Variants in OSBPL8 observed in about 807,000 individuals in gnomAD.
OSBPL8 encodes the protein oxysterol-binding protein-related protein 8.
OSBPL8 carries 59 observed loss-of-function variants against 125.5 expected under a neutral mutation model. That is an observed-to-expected ratio of 0.47 (90% confidence interval 0.38 to 0.58). The LOEUF (loss-of-function observed/expected upper bound fraction) is 0.58. OSBPL8 is among the 20% of genes least tolerant of loss of function. The pLI, the probability that OSBPL8 is intolerant of heterozygous loss-of-function variation, is 0.00. For synonymous variants in OSBPL8, 330 were observed against 338.9 expected (o/e 0.97, Z 0.29); for missense variants, 758 against 1,047.8 (o/e 0.72, Z 3.82).
rs533714040 is a variant in OSBPL8, at chr12:76,437,231, G to A, written c.217+13620C>T. ...AATGTCAAACTATTTTTCAAAAATG[G>A]TTCTACCAATTATGCTTCCATCCGT... On this transcript the variant is annotated intron_variant, in intron 4 of 23. Coordinates refer to ENST00000261183, the MANE Select transcript of OSBPL8 (RefSeq NM_020841.5). Among the ~76,000 whole-genome samples, 3 of 152,226 alleles carry A rather than the reference G, an allele frequency of 2.0e-5. No individual in the cohort carries two copies. The South Asian group carries it at 6.2e-4, about 32-fold the overall frequency.
intron 1 of OSBPL8, among the ~76,000 whole-genome samples, chr12:76,536,302 C>T (rs1950495859): frequency 6.6e-6 from 1 of 151,724 alleles, no homozygotes; most frequent in South Asian, 2.1e-4. Context: ...GCCTGGCCAA[C>T]ATGGTGAAAC....
At position 76,473,622 on chromosome 12, in the gene OSBPL8, T is replaced by C. The variant is rs185349528; in HGVS notation, c.43-13727A>G. On this transcript the variant is annotated intron_variant, in intron 2 of 23. Transcript: ENST00000261183. Reference sequence around the variant, plus strand: ...CAGATAACTCTAACATTCAACTGGTTGCCCCCAATACTCCACAATTTTGCC... The same window carrying C: ...CAGATAACTCTAACATTCAACTGGTCGCCCCCAATACTCCACAATTTTGCC... Among the ~76,000 whole-genome samples the C allele has an allele frequency of 4.6e-5, 7 of 152,328 alleles. No homozygotes were observed. In the South Asian group the frequency reaches 1.2e-3, roughly 27 times the overall value.
chr12:76,424,039 C>T (rs1209435853), intron 4 of OSBPL8, among the ~76,000 whole-genome samples: 3 of 151,934 alleles, frequency 2.0e-5, no homozygotes, highest in Non-Finnish European at 4.4e-5. Context: ...GTCTCACTGT[C>T]GCCCAGGCTA....
intron 4 of OSBPL8, among the ~76,000 whole-genome samples, chr12:76,443,964 A>G (rs1281720729): frequency 1.3e-5 from 2 of 152,230 alleles, no homozygotes; most frequent in Non-Finnish European, 2.9e-5. Context: ...CACAATCTGG[A>G]AAATACATAA....
intron 1 of OSBPL8, among the ~76,000 whole-genome samples, chr12:76,531,991 C>A (rs1022895589): frequency 7.0e-6 from 1 of 143,084 alleles, no homozygotes; most frequent in South Asian, 2.3e-4. Flanking sequence ...GAGCCGAGAT[C>A]GCGCCACTGC....
At chr12:76,524,313 T>C (rs889044875) in intron 1 of OSBPL8, among the ~76,000 whole-genome samples, 6 of 152,166 alleles carry the variant, frequency 3.9e-5, no homozygotes, top group Admixed American at 6.5e-5. Flanking sequence ...TCTTAGAAGA[T>C]TATAAGTTAT....
At position 76,464,358 on chromosome 12, in the gene OSBPL8, T is replaced by C. The variant is rs1001904783; in HGVS notation, c.43-4463A>G. Among the ~76,000 whole-genome samples the C allele has an allele frequency of 2.0e-5, 3 of 152,220 alleles. No individual in the cohort carries two copies. In the East Asian group the frequency reaches 5.8e-4, roughly 29 times the overall value. ...GTTTACCATTGTCCCACAGACAATG[T>C]CCACACAGTTATCTAATTTTGTTAT... On this transcript the variant is annotated intron_variant, in intron 2 of 23. Coordinates refer to ENST00000261183, the MANE Select transcript of OSBPL8 (RefSeq NM_020841.5).
intron 1 of OSBPL8, among the ~76,000 whole-genome samples, chr12:76,491,146 AG>A (rs1878670699): frequency 6.6e-6 from 1 of 152,196 alleles, no homozygotes; most frequent in African/African-American, 2.4e-5. Context: ...CACCCCTGTC[AG>A]GAGTTCCATG....
chr12:76,367,229 G>GGGGT lies in OSBPL8; in HGVS notation c.2328+1984_2328+1985insACCC, dbSNP rs149505291. On this transcript the variant is annotated intron_variant, in intron 21 of 23. Transcript: ENST00000261183. ...TGTATATTTTGGGGCTTTGTTGATT[G>GGGGT]GTGTGTGTGTGTGTGTGTGTGTGTG... Among the ~76,000 whole-genome samples the GGGGT allele has an allele frequency of 3.1e-3, 463 of 147,278 alleles. 4 individuals are homozygous for GGGGT. The highest frequency in any genetic ancestry group is 0.011 in the African/African-American group (439 of 39,988).
chr12:76,369,706 T>C lies in OSBPL8; in HGVS notation c.2171A>G (p.Asn724Ser), dbSNP rs1952548614. 6.2e-7 allele frequency: 1 copy of C among 1,613,728 alleles called. No homozygotes were observed. The highest frequency in any genetic ancestry group is 8.5e-7 in the Non-Finnish European group (1 of 1,179,762). The change falls in exon 20 of 24, where the codon AAT (asparagine) becomes AGT (serine). Residue 724 changes from asparagine (N) to serine (S), a missense_variant. Transcript: ENST00000261183. ...RQAARDRKTK[N>S]EEWSCKLFEL... ...AAATAATTTGCAAGACCACTCTTCA[T>C]TTTTTGTTTTCCGATCCCTGGCAGC...
intron 12 of OSBPL8, 135 bp downstream of exon 12, chr12:76,389,510 A>T: frequency 1.5e-6 from 1 of 651,364 alleles, no homozygotes; most frequent in Non-Finnish European, 2.5e-6. Context: ...GGTCAACCAC[A>T]GAAGTGGTAG....
At chr12:76,390,391 C>A in intron 11 of OSBPL8, 29 bp downstream of exon 11, 2 of 1,465,144 alleles carry the variant, frequency 1.4e-6, no homozygotes, top group South Asian at 1.2e-5. Flanking sequence ...TATGAAAATC[C>A]AGAACCTCTA....
intron 4 of OSBPL8, among the ~76,000 whole-genome samples, chr12:76,446,513 A>C (rs1436431974): frequency 3.9e-5 from 6 of 152,176 alleles, no homozygotes; most frequent in African/African-American, 1.4e-4. Flanking sequence ...AGTGCAAATA[A>C]AGATATGACT....
intron 1 of OSBPL8, among the ~76,000 whole-genome samples, chr12:76,540,667 AATC>A (rs1169137443): frequency 6.6e-6 from 1 of 151,770 alleles, no homozygotes; most frequent in African/African-American, 2.4e-5. Context: ...TTGATATAAT[AATC>A]ATATTTTTTC....
At chr12:76,382,439 G>A (rs888787369) in intron 15 of OSBPL8, among the ~76,000 whole-genome samples, 1 of 151,996 alleles carries the variant, frequency 6.6e-6, no homozygotes, top group African/African-American at 2.4e-5. Flanking sequence ...TGTTGTAAGG[G>A]GTTGTTCTGT....
chr12:76,427,863 T>C (rs1162097765), intron 4 of OSBPL8, among the ~76,000 whole-genome samples: 1 of 152,054 alleles, frequency 6.6e-6, no homozygotes, highest in African/African-American at 2.4e-5. Flanking sequence ...CATTGTTAAG[T>C]TGAAAAATCA....
chr12:76,365,851 T>A (rs987064046), intron 21 of OSBPL8, among the ~76,000 whole-genome samples: 1 of 152,192 alleles, frequency 6.6e-6, no homozygotes, highest in African/African-American at 2.4e-5. Context: ...CCAATTGAAA[T>A]GACCATGTGA....
At chr12:76,532,856 G>A (rs1023339756) in intron 1 of OSBPL8, among the ~76,000 whole-genome samples, 3 of 152,076 alleles carry the variant, frequency 2.0e-5, no homozygotes, top group Non-Finnish European at 4.4e-5. Context: ...AAAGATTGTT[G>A]CTTTCTGCTC....
At chr12:76,360,850 G>T (rs1952176647) in intron 21 of OSBPL8, among the ~76,000 whole-genome samples, 1 of 152,168 alleles carries the variant, frequency 6.6e-6, no homozygotes, top group Non-Finnish European at 1.5e-5. Flanking sequence ...TGGGACGTAG[G>T]GCACCAAGTC....
Sources: allele counts gnomAD v4.1 joint callset (sites outside exome capture counted in the v4.1 genomes callset), GRCh38; gene constraint gnomAD v4.1.1; transcripts MANE v1.5; gene names NCBI Gene and HGNC (gene_info 2026-07-23, HGNC 2026-07-21).